ARPP21: variants seen among roughly 807,000 people sequenced by gnomAD.
ARPP21 encodes cAMP regulated phosphoprotein 21, also known as cAMP-regulated phosphoprotein 21.
ARPP21 carries 69 observed loss-of-function variants against 113.2 expected under a neutral mutation model. The ratio of observed to expected loss-of-function variants is 0.61; its 90% CI spans 0.50 to 0.74. The LOEUF is 0.74. Among genes scored for constraint, ARPP21 ranks in the 30% least tolerant of loss-of-function variants. ARPP21 has a pLI of 0.00. For missense variants in ARPP21, 1,070 were observed against 1,037.4 expected, an observed-to-expected ratio of 1.03 and a Z score of -0.43; for synonymous variants, 368 against 375.5, an observed-to-expected ratio of 0.98 and a Z score of 0.23.
intron 1 of ARPP21, among the ~76,000 whole-genome samples, chr3:35,649,733 A>G (rs1387151542): frequency 1.3e-5 from 2 of 152,164 alleles, no homozygotes; most frequent in Non-Finnish European, 2.9e-5. Flanking sequence ...TGCTTTAAGC[A>G]GAACAGGTGC....
intron 15 of ARPP21, among the ~76,000 whole-genome samples, chr3:35,732,906 AT>A (rs1293611280): frequency 1.3e-5 from 2 of 152,024 alleles, no homozygotes; most frequent in Non-Finnish European, 2.9e-5. Flanking sequence ...TGAATCATGA[AT>A]TTTGTGTTCT....
chr3:35,730,214 G>A (rs1472335979), intron 15 of ARPP21, among the ~76,000 whole-genome samples: 2 of 152,212 alleles, frequency 1.3e-5, no homozygotes, highest in Non-Finnish European at 2.9e-5. Flanking sequence ...TTTTCTAGTG[G>A]GTCAGTTGAC....
intron 1 of ARPP21, among the ~76,000 whole-genome samples, chr3:35,658,839 G>A (rs1706270206): frequency 6.6e-6 from 1 of 152,106 alleles, no homozygotes; most frequent in African/African-American, 2.4e-5. Context: ...GTTACTCACA[G>A]TGTGAGTAGT....
chr3:35,661,930 G>C (rs1044867885), intron 1 of ARPP21, among the ~76,000 whole-genome samples: 2 of 152,104 alleles, frequency 1.3e-5, no homozygotes, highest in Non-Finnish European at 2.9e-5. Flanking sequence ...ATAGTATCTT[G>C]AATGCCTATT....
chr3:35,773,602 G>A (rs972584682), intron 19 of ARPP21, among the ~76,000 whole-genome samples: 4 of 152,078 alleles, frequency 2.6e-5, no homozygotes, highest in African/African-American at 7.2e-5. Context: ...TCACACCTAG[G>A]TAAAGTGGTT....
At position 35,709,056 on chromosome 3, in the gene ARPP21, A is replaced by C. The variant is rs760313850; in HGVS notation, c.883A>C (p.Ile295Leu). ...EEEYQRVRER[I>L]FAHDSVCSQE... ...GGAATATCAGAGAGTGAGGGAGAGA[A>C]TATTTGCACACGATGTGAGTAGTTG... The change falls in exon 11 of 21, where the codon ATA becomes CTA. Residue 295 changes from isoleucine (I) to leucine (L), a missense_variant. By Grantham distance (5) the Ile-to-Leu change is conservative. Transcript: ENST00000684406. 6 of 1,611,346 alleles carry C rather than the reference A, an allele frequency of 3.7e-6. No homozygotes were observed. The highest frequency in any genetic ancestry group is 5.1e-6 in the Non-Finnish European group (6 of 1,177,660).
intron 19 of ARPP21, among the ~76,000 whole-genome samples, chr3:35,758,816 A>C (rs1576707298): frequency 6.6e-6 from 1 of 151,900 alleles, no homozygotes. Context: ...GTTCTTTTCT[A>C]TATATTTAAG....
At chr3:35,757,338 C>G (rs1051614102) in intron 19 of ARPP21, among the ~76,000 whole-genome samples, 1 of 151,964 alleles carries the variant, frequency 6.6e-6, no homozygotes, top group African/African-American at 2.4e-5. Context: ...GCTGGGGTTA[C>G]AGGAGTGAGC....
intron 19 of ARPP21, among the ~76,000 whole-genome samples, chr3:35,773,100 A>G (rs547260140): frequency 2.6e-5 from 4 of 152,320 alleles, no homozygotes; most frequent in Middle Eastern, 3.4e-3. Flanking sequence ...ATGAGTAGAA[A>G]GTATATCATC....
intron 1 of ARPP21, among the ~76,000 whole-genome samples, chr3:35,676,630 T>A (rs563698958): frequency 6.6e-6 from 1 of 151,988 alleles, no homozygotes; most frequent in South Asian, 2.1e-4. Context: ...TATACACTAT[T>A]GAACGATTGC....
chr3:35,725,685 A>G (rs1420048664), intron 14 of ARPP21, among the ~76,000 whole-genome samples: 1 of 151,424 alleles, frequency 6.6e-6, no homozygotes, highest in South Asian at 2.1e-4. Context: ...TTGACTTGTG[A>G]TCTCTTTTTC....
At chr3:35,747,835 C>G (rs1392949178) in intron 19 of ARPP21, among the ~76,000 whole-genome samples, 1 of 151,620 alleles carries the variant, frequency 6.6e-6, no homozygotes, top group Admixed American at 6.6e-5. Flanking sequence ...TTGCTTGAGC[C>G]TGGGAGGTTG....
At chr3:35,677,047 T>G (rs941289884) in intron 1 of ARPP21, among the ~76,000 whole-genome samples, 7 of 151,912 alleles carry the variant, frequency 4.6e-5, no homozygotes, top group African/African-American at 1.7e-4. Context: ...CTTGACTGTG[T>G]TGTTTCATCA....
intron 1 of ARPP21, among the ~76,000 whole-genome samples, chr3:35,671,421 C>A (rs2076314966): frequency 6.6e-6 from 1 of 152,124 alleles, no homozygotes; most frequent in South Asian, 2.1e-4. Flanking sequence ...TTCTTGAACA[C>A]TTACATTTTT....
chr3:35,707,175 C>T, intron 10 of ARPP21, 93 bp downstream of exon 10: 1 of 894,130 alleles, frequency 1.1e-6, no homozygotes, highest in Admixed American at 2.0e-5. Context: ...CCTGCCTTCC[C>T]TCCAATCCTC....
intron 1 of ARPP21, among the ~76,000 whole-genome samples, chr3:35,663,628 G>A (rs1402529176): frequency 6.6e-6 from 1 of 152,122 alleles, no homozygotes; most frequent in Admixed American, 6.5e-5. Context: ...CTCGGAGCGG[G>A]GTGAGATTTC....
chr3:35,683,716 C>T lies in ARPP21; in HGVS notation c.172-10C>T. ...TTTCCTTTCCTTCCCTTTTCTTTCC[C>T]CCCTCCTAGTCAGGAGCAGGAAAAG... On this transcript the variant is annotated splice_polypyrimidine_tract_variant and intron_variant, in intron 4 of 20. Coordinates refer to ENST00000684406, the MANE Select transcript of ARPP21 (RefSeq NM_001385562.1). The T allele has an allele frequency of 3.0e-6, 3 of 1,004,866 alleles. No individual in the cohort carries two copies. Among genetic ancestry groups the T allele is most frequent in the Non-Finnish European group, 4.8e-6 (3 of 628,718 alleles). 62.2% of individuals were successfully genotyped at this position (1,004,866 alleles called of 1,614,324 possible).
intron 9 of ARPP21, among the ~76,000 whole-genome samples, chr3:35,703,375 T>C (rs2087287160): frequency 6.6e-6 from 1 of 151,826 alleles, no homozygotes. Context: ...CTATGCCCAG[T>C]GAAGGAACAA....
chr3:35,639,270 G>A (rs938955337), upstream of ARPP21, among the ~76,000 whole-genome samples: 1 of 152,108 alleles, frequency 6.6e-6, no homozygotes, highest in Non-Finnish European at 1.5e-5. This position sits in a 1 kb window ranked among gnomAD's most constrained non-coding sequence, Gnocchi z 5.0. Context: ...CATCACTCTG[G>A]ATGGGCCAGT....
Sources: gnomAD v4.1 joint callset for allele counts (sites outside exome capture counted in the v4.1 genomes callset) on GRCh38, gnomAD v4.1.1 for gene constraint, Gnocchi (gnomAD v3.1) non-coding constraint, MANE v1.5 for transcripts, NCBI Gene and HGNC (gene_info 2026-07-23, HGNC 2026-07-21) for gene names.